Variants in GRM7 observed in about 807,000 individuals in gnomAD.
GRM7 encodes the protein glutamate metabotropic receptor 7.
In GRM7, 35 loss-of-function variants were observed where a neutral mutation model predicts 84.5. That is an observed-to-expected ratio of 0.41 (90% CI 0.32 to 0.55). GRM7 has a LOEUF of 0.55. Ranked by LOEUF, GRM7 falls within the 20% of genes least tolerant of loss-of-function variation. The pLI is 0.19. For missense variants in GRM7, 1,003 were observed against 1,194.6 expected (o/e 0.84, Z 2.36); for synonymous variants, 487 against 455.1 (o/e 1.07, Z -0.89).
chr3:7,724,679 G>A (rs763052693), intron 9 of GRM7, among the ~76,000 whole-genome samples: 8 of 152,172 alleles, frequency 5.3e-5, no homozygotes, highest in Non-Finnish European at 1.0e-4. Context: ...AAGTCAGAAC[G>A]TTGAGTTGGG....
chr3:6,954,263 T>C (rs1692924640), intron 1 of GRM7, among the ~76,000 whole-genome samples: 1 of 152,184 alleles, frequency 6.6e-6, no homozygotes, highest in South Asian at 2.1e-4. Flanking sequence ...TTTTGAAAGA[T>C]ATAATACCTT....
intron 1 of GRM7, among the ~76,000 whole-genome samples, chr3:6,949,323 T>G (rs1692603981): frequency 6.6e-6 from 1 of 152,186 alleles, no homozygotes; most frequent in African/African-American, 2.4e-5. Context: ...GAAGCTTAGT[T>G]TGGCTGAATA....
chr3:7,088,251 C>T (rs2125005354), intron 1 of GRM7, among the ~76,000 whole-genome samples: 1 of 152,286 alleles, frequency 6.6e-6, no homozygotes, highest in South Asian at 2.1e-4. Flanking sequence ...AAGAGAAAGT[C>T]AGTCCTTCCT....
At chr3:7,079,859 A>G (rs1430614661) in intron 1 of GRM7, among the ~76,000 whole-genome samples, 1 of 152,156 alleles carries the variant, frequency 6.6e-6, no homozygotes, top group Admixed American at 6.6e-5. Context: ...GGTCATGCCT[A>G]CAACAGAACC....
intron 1 of GRM7, among the ~76,000 whole-genome samples, chr3:6,920,169 C>T (rs1697075839): frequency 1.3e-5 from 2 of 152,088 alleles, no homozygotes; most frequent in African/African-American, 2.4e-5. Flanking sequence ...CATTTATACT[C>T]TTTATTATTT....
intron 7 of GRM7, among the ~76,000 whole-genome samples, chr3:7,552,780 T>C (rs1201749411): frequency 6.6e-6 from 1 of 152,174 alleles, no homozygotes; most frequent in Middle Eastern, 3.2e-3. Flanking sequence ...GAAAACCATT[T>C]TTCCTCTTAG....
chr3:7,118,342 G>C (rs1240242216), intron 1 of GRM7, among the ~76,000 whole-genome samples: 1 of 151,762 alleles, frequency 6.6e-6, no homozygotes, highest in Non-Finnish European at 1.5e-5. Context: ...GTGAGCTGTG[G>C]TCATACCACC....
Position 7,709,233 on chromosome 3 carries a change from TATA to T in GRM7, c.2698+28940_2698+28942del, listed in dbSNP as rs1462647274. 3.9e-5 allele frequency among the ~76,000 whole-genome samples: 6 copies of T among 152,168 alleles called. No individual in the cohort carries two copies. In the East Asian group the frequency reaches 1.2e-3, roughly 29 times the overall value. The stretch of plus-strand genomic sequence containing the variant: ...CAAAATTAAACAATGTATAAACAAA[TATA>T]AGAATATAATTCTATAAAATATGTT... On this transcript the variant is annotated intron_variant, in intron 9 of 9. Coordinates refer to ENST00000357716, the MANE Select transcript of GRM7 (RefSeq NM_000844.4).
chr3:7,213,831 T>C (rs1427319232), intron 2 of GRM7, among the ~76,000 whole-genome samples: 1 of 152,038 alleles, frequency 6.6e-6, no homozygotes, highest in Non-Finnish European at 1.5e-5. Context: ...CTGCCAGTAC[T>C]CCCAGCAGCT....
intron 1 of GRM7, among the ~76,000 whole-genome samples, chr3:6,893,567 A>G (rs1297847247): frequency 2.6e-5 from 4 of 152,182 alleles, no homozygotes; most frequent in African/African-American, 9.6e-5. Flanking sequence ...ATATGCCATT[A>G]GTTTTATAGG....
At chr3:7,355,523 G>A (rs182570392) in intron 4 of GRM7, among the ~76,000 whole-genome samples, 11 of 152,142 alleles carry the variant, frequency 7.2e-5, no homozygotes, top group East Asian at 3.9e-4. Context: ...TTATAATTTC[G>A]TAGCAAAGAA....
At chr3:7,301,790 A>ACC (rs371941063) in intron 3 of GRM7, among the ~76,000 whole-genome samples, 1 of 45,320 alleles carries the variant, frequency 2.2e-5, no homozygotes, top group Non-Finnish European at 9.2e-5. Context: ...ATGATCTTAA[A>ACC]CAGTGTGTGA....
chr3:6,936,234 G>A (rs1248215414), intron 1 of GRM7, among the ~76,000 whole-genome samples: 1 of 152,170 alleles, frequency 6.6e-6, no homozygotes, highest in Non-Finnish European at 1.5e-5. Context: ...CAGCAGTAGA[G>A]GGCAGCCAGC....
chr3:7,177,215 T>A lies in GRM7; in HGVS notation c.736+30547T>A, dbSNP rs1695182265. Among the ~76,000 whole-genome samples the A allele has an allele frequency of 4.6e-5, 7 of 152,250 alleles. No individual in the cohort carries two copies. In the South Asian group the frequency reaches 1.4e-3, roughly 31 times the overall value. ...AATAGGCTCCAAAATGCATAGCCTTTAAGGCTCTTAGAGGTTGAAATATCA... is the reference window on the plus strand; with the variant it reads ...AATAGGCTCCAAAATGCATAGCCTTAAAGGCTCTTAGAGGTTGAAATATCA... On this transcript the variant is annotated intron_variant, in intron 2 of 9. Coordinates refer to ENST00000357716, the MANE Select transcript of GRM7 (RefSeq NM_000844.4).
chr3:7,645,325 G>A (rs932194252), intron 8 of GRM7, among the ~76,000 whole-genome samples: 2 of 151,924 alleles, frequency 1.3e-5, no homozygotes, highest in East Asian at 1.9e-4. Context: ...AAGGCGGGCA[G>A]ACCACAAGGT....
chr3:7,035,445 C>G (rs948028739), intron 1 of GRM7, among the ~76,000 whole-genome samples: 3 of 151,970 alleles, frequency 2.0e-5, no homozygotes, highest in African/African-American at 4.8e-5. Context: ...ACAGAAGGAG[C>G]AAGACTGAAA....
chr3:7,403,513 A>G (rs1163416462), intron 4 of GRM7, among the ~76,000 whole-genome samples: 1 of 150,612 alleles, frequency 6.6e-6, no homozygotes, highest in Non-Finnish European at 1.5e-5. Flanking sequence ...CATACAATAA[A>G]TGATGACATT....
chr3:7,007,914 T>G (rs949633440), intron 1 of GRM7, among the ~76,000 whole-genome samples: 19 of 152,176 alleles, frequency 1.2e-4, no homozygotes, highest in African/African-American at 3.1e-4. Flanking sequence ...GACATTTGGT[T>G]CTTGGCCCAA....
intron 4 of GRM7, among the ~76,000 whole-genome samples, chr3:7,351,732 T>C (rs952589469): frequency 1.3e-5 from 2 of 151,964 alleles, no homozygotes; most frequent in Admixed American, 1.3e-4. Context: ...CCTTTTTTTT[T>C]CCTCCTTCTT....
Sources: allele counts gnomAD v4.1 joint callset (sites outside exome capture counted in the v4.1 genomes callset), GRCh38; gene constraint gnomAD v4.1.1; transcripts MANE v1.5; gene names NCBI Gene and HGNC (gene_info 2026-07-23, HGNC 2026-07-21).